CARD19: variants seen among roughly 807,000 people sequenced by gnomAD.
The protein encoded by CARD19 is caspase recruitment domain family member 19.
CARD19 carries 25 observed loss-of-function variants against 24.1 expected under a neutral mutation model. The ratio of observed to expected loss-of-function variants is 1.04; its 90% confidence interval spans 0.76 to 1.45. The LOEUF is 1.45. Ranked by LOEUF, CARD19 falls within the 40% of genes most tolerant of loss-of-function variation. The probability of loss-of-function intolerance (pLI) is 0.00; values close to 1 mark genes in which losing one functional copy is unlikely to be tolerated. For missense variants in CARD19, 241 were observed against 247.4 expected, an observed-to-expected ratio of 0.97 and a Z score of 0.17; for synonymous variants, 103 against 104.9, an observed-to-expected ratio of 0.98 and a Z score of 0.11.
chr9:93,111,139 G>A, intron 3 of CARD19: 2 of 1,226,738 alleles, frequency 1.6e-6, no homozygotes, highest in Non-Finnish European at 1.0e-6. Flanking sequence ...CCCCATGACG[G>A]ACCCTTTCAT....
intron 3 of CARD19, chr9:93,111,135 G>A (rs1023124883): frequency 8.1e-7 from 1 of 1,230,124 alleles, no homozygotes; most frequent in African/African-American, 1.6e-5. Context: ...CCAACCCCAT[G>A]ACGGACCCTT....
rs1394234548 is a variant in CARD19 at position 93,096,580 on chromosome 9, A to G, written c.7+228A>G. On this transcript the variant is annotated intron_variant, in intron 1 of 5. Coordinates refer to ENST00000375464, the MANE Select transcript of CARD19 (RefSeq NM_032310.5). The surrounding 1 kb of genome is among the most constrained non-coding windows in gnomAD (Gnocchi z 5.4). ...CGTGCCAGCCGAGGCGGTGCCGGGC[A>G]TGATGGGTGGTGGCCAGGTGCGGGG... Among the ~76,000 whole-genome samples the G allele has an allele frequency of 6.6e-6, 1 of 152,104 alleles. No homozygotes were observed. Among genetic ancestry groups the G allele is most frequent in the East Asian group, 1.9e-4 (1 of 5,144 alleles).
chr9:93,109,031 T>C (rs1587648701), intron 2 of CARD19: 1 of 152,322 alleles, frequency 6.6e-6, no homozygotes, highest in East Asian at 1.9e-4. Context: ...GGGCATCTCC[T>C]GGAACAATGA....
Position 93,112,089 on chromosome 9 carries a change from G to A in CARD19, c.365-129G>A, listed in dbSNP as rs908005009. ...GTTGGTGACAGACCCCCCCCCTAAG[G>A]TGCTCGTTTGGGGGCTCTTCAGGCA... On this transcript the variant is annotated intron_variant, in intron 4 of 5. Coordinates refer to ENST00000375464, the MANE Select transcript of CARD19 (RefSeq NM_032310.5). 6.0e-6 allele frequency: 8 copies of A among 1,336,904 alleles called. No individual in the cohort carries two copies. In the African/African-American group the frequency reaches 1.0e-4, roughly 17 times the overall value. The allele number at this position is 1,336,904 out of a possible 1,614,324, so 82.8% of individuals were successfully genotyped here.
intron 1 of CARD19, among the ~76,000 whole-genome samples, chr9:93,103,033 G>A (rs556796193): frequency 5.3e-5 from 8 of 152,102 alleles, no homozygotes; most frequent in Admixed American, 1.3e-4. Flanking sequence ...AAAGATTTTA[G>A]GGTTTTCTAT....
intron 1 of CARD19, among the ~76,000 whole-genome samples, chr9:93,102,338 G>GT (rs1827115924): frequency 6.6e-6 from 1 of 152,086 alleles, no homozygotes; most frequent in Non-Finnish European, 1.5e-5. Context: ...GTCTATTCAA[G>GT]TTCTTTGCCT....
At chr9:93,111,508 A>C in intron 3 of CARD19, 2 of 1,131,704 alleles carry the variant, frequency 1.8e-6, no homozygotes, top group Non-Finnish European at 2.2e-6. Context: ...GCCTCACAGA[A>C]CACAGTGCAG....
At position 93,096,450 on chromosome 9, in the gene CARD19, G is replaced by A. The variant is rs1247532113; in HGVS notation, c.7+98G>A. Reference sequence around the variant, plus strand: ...GCCTTGCGAGTCGCCTGCAGGCCGCGCCTGGGCAGCGGGGGCCGAGTGACC... The same window carrying A: ...GCCTTGCGAGTCGCCTGCAGGCCGCACCTGGGCAGCGGGGGCCGAGTGACC... On this transcript the variant is annotated intron_variant, in intron 1 of 5. Transcript: ENST00000375464. This position sits in a 1 kb window ranked among gnomAD's most constrained non-coding sequence, Gnocchi z 5.4. 21 of 1,116,848 alleles carry A rather than the reference G, an allele frequency of 1.9e-5. No individual in the cohort carries two copies. Among genetic ancestry groups the A allele is most frequent in the Non-Finnish European group, 1.8e-5 (16 of 886,058 alleles). The allele number at this position is 1,116,848 out of a possible 1,614,324, so 69.2% of individuals were successfully genotyped here.
At chr9:93,105,930 A>T (rs1230303552) in intron 1 of CARD19, among the ~76,000 whole-genome samples, 1 of 152,192 alleles carries the variant, frequency 6.6e-6, no homozygotes, top group Non-Finnish European at 1.5e-5. Context: ...AAATATTATT[A>T]TAGAGATATC....
chr9:93,112,272 T>C lies in CARD19; in HGVS notation c.419T>C (p.Leu140Pro), dbSNP rs1827525815. 6.5e-7 allele frequency: 1 copy of C among 1,544,556 alleles called. No homozygotes were observed. Among genetic ancestry groups the C allele is most frequent in the Non-Finnish European group, 8.7e-7 (1 of 1,146,980 alleles). The change falls in exon 5 of 6, where the codon CTG (leucine) becomes CCG (proline). Residue 140 changes from leucine (L) to proline (P), a missense_variant. By Grantham distance (98) the Leu-to-Pro change is moderately conservative. Coordinates refer to ENST00000375464, the MANE Select transcript of CARD19 (RefSeq NM_032310.5). ...CTTGCTGTGGGACTGGCCCTGCTCC[T>C]GTACTGCTATCCGCCAGGTGGGTGC... ...LGLAVGLALL[L>P]YCYPPDPKGL...
At chr9:93,103,662 C>T (rs1421917559) in intron 1 of CARD19, among the ~76,000 whole-genome samples, 1 of 152,100 alleles carries the variant, frequency 6.6e-6, no homozygotes, top group Non-Finnish European at 1.5e-5. Context: ...ACACTTGAAA[C>T]TGGGGAATTT....
intron 5 of CARD19, 113 bp from the exon 6 acceptor site, chr9:93,112,879 G>A: frequency 1.5e-6 from 1 of 658,030 alleles, no homozygotes; most frequent in East Asian, 2.9e-5. Context: ...ATGACCGGGA[G>A]GGAGCACCCT....
At chr9:93,097,265 C>G (rs944833487) in intron 1 of CARD19, among the ~76,000 whole-genome samples, 2 of 151,750 alleles carry the variant, frequency 1.3e-5, no homozygotes, top group Non-Finnish European at 2.9e-5. Flanking sequence ...GGTGCTCGCT[C>G]TCTTGAGTCT....
At chr9:93,110,840 G>C in intron 3 of CARD19, 119 bp downstream of exon 3, 2 of 1,536,018 alleles carry the variant, frequency 1.3e-6, no homozygotes, top group Non-Finnish European at 1.7e-6. Flanking sequence ...GCCCAGGCCT[G>C]GCATCCCCTC....
chr9:93,111,952 G>C lies in CARD19; in HGVS notation c.364+14G>C, dbSNP rs752851045. On this transcript the variant is annotated intron_variant, in intron 4 of 5. Coordinates refer to ENST00000375464, the MANE Select transcript of CARD19 (RefSeq NM_032310.5). ...TGAGTAACAGGGGTAACACCTCCCT[G>C]CTGCCCCTCCCTCTCTCTCCCTCTC... 6.2e-6 allele frequency: 10 copies of C among 1,608,048 alleles called. No individual in the cohort carries two copies. The South Asian group carries it at 1.1e-4, about 18-fold the overall frequency.
chr9:93,112,081 C>A (rs1480885095), intron 4 of CARD19, 137 bp from the exon 5 acceptor site: 8 of 1,336,106 alleles, frequency 6.0e-6, no homozygotes, highest in Non-Finnish European at 7.2e-6. Context: ...ACAGACCCCC[C>A]CCCTAAGGTG....
chr9:93,103,825 A>G (rs1327976294), intron 1 of CARD19, among the ~76,000 whole-genome samples: 1 of 152,174 alleles, frequency 6.6e-6, no homozygotes, highest in Non-Finnish European at 1.5e-5. Flanking sequence ...GAGGAAGAAA[A>G]CAAATTTGAA....
chr9:93,111,756 C>T, intron 3 of CARD19, 123 bp from the exon 4 acceptor site: 2 of 1,502,258 alleles, frequency 1.3e-6, no homozygotes, highest in Non-Finnish European at 8.9e-7. Context: ...GCCTCAGGTG[C>T]CACAGCCTGG....
intron 3 of CARD19, chr9:93,111,441 G>T (rs1358679431): frequency 2.8e-6 from 3 of 1,072,964 alleles, no homozygotes; most frequent in Non-Finnish European, 3.4e-6. Flanking sequence ...AGAGGGACTG[G>T]GCGGCTTGTC....
Sources: gnomAD v4.1 joint callset for allele counts (sites outside exome capture counted in the v4.1 genomes callset) on GRCh38, gnomAD v4.1.1 for gene constraint, Gnocchi (gnomAD v3.1) non-coding constraint, MANE v1.5 for transcripts, NCBI Gene and HGNC (gene_info 2026-07-23, HGNC 2026-07-21) for gene names.